Variants in IL1RAPL1 observed in about 807,000 individuals in gnomAD.
IL1RAPL1 encodes the protein interleukin 1 receptor accessory protein like 1.
IL1RAPL1 carries 3 observed loss-of-function variants against 48.4 expected under a neutral mutation model. The ratio of observed to expected loss-of-function variants is 0.06; its 90% CI spans 0.03 to 0.16. The LOEUF is 0.16. Among genes scored for constraint, IL1RAPL1 ranks in the 10% least tolerant of loss-of-function variants. The pLI is 1.00. For synonymous variants in IL1RAPL1, 185 were observed against 187.7 expected (o/e 0.99, Z 0.12); for missense variants, 349 against 530.6 (o/e 0.66, Z 3.36).
chrX:29,106,122 A>G (rs1928441348), intron 2 of IL1RAPL1, among the ~76,000 whole-genome samples: 1 of 111,962 alleles, frequency 8.9e-6, no homozygotes, highest in African/African-American at 3.2e-5. Context: ...TCATCTGGCA[A>G]ATACTTTTTG....
chrX:29,947,821 T>C (rs1933243391), intron 9 of IL1RAPL1, among the ~76,000 whole-genome samples: 1 of 106,110 alleles, frequency 9.4e-6, no homozygotes, highest in Admixed American at 1.0e-4. Context: ...ACAGGAATAA[T>C]CTTTAGAAGC....
intron 2 of IL1RAPL1, among the ~76,000 whole-genome samples, chrX:28,893,838 T>C (rs1427263703): frequency 8.9e-6 from 1 of 111,738 alleles, no homozygotes; most frequent in Admixed American, 9.5e-5. Flanking sequence ...GATATTTTCC[T>C]TGGTCTAAGA....
intron 2 of IL1RAPL1, among the ~76,000 whole-genome samples, chrX:28,965,962 ACG>A: frequency 1.8e-5 from 1 of 55,204 alleles, no homozygotes; most frequent in Non-Finnish European, 3.9e-5. Flanking sequence ...AAAAATACTC[ACG>A]AAGCCCTTTT....
chrX:28,662,060 T>C (rs1934828878), intron 1 of IL1RAPL1, among the ~76,000 whole-genome samples: 1 of 111,148 alleles, frequency 9.0e-6, no homozygotes, highest in Non-Finnish European at 1.9e-5. Flanking sequence ...TCTTCTTTGC[T>C]CCTTCAGGTG....
At chrX:29,110,880 T>A (rs1356291632) in intron 2 of IL1RAPL1, among the ~76,000 whole-genome samples, 1 of 111,329 alleles carries the variant, frequency 9.0e-6, no homozygotes, top group African/African-American at 3.3e-5. Flanking sequence ...GAGAGTGGCA[T>A]TGGATTGTAT....
chrX:28,969,908 C>T lies in IL1RAPL1; in HGVS notation c.82+180483C>T, dbSNP rs780607122. On this transcript the variant is annotated intron_variant, in intron 2 of 10. Coordinates refer to ENST00000378993, the MANE Select transcript of IL1RAPL1 (RefSeq NM_014271.4). ...ACACATATATATGTTTCTAAACACA[C>T]ATATATATGTTTCTAAACACATATA... 8.7e-3 allele frequency among the ~76,000 whole-genome samples: 927 copies of T among 106,607 alleles called. 5 individuals carry two copies. The highest frequency in any genetic ancestry group is 0.014 in the Non-Finnish European group (724 of 51,143). 92.6% of individuals were successfully genotyped at this position (106,607 alleles called of 115,157 possible). A position where few individuals can be genotyped will look rare whatever the true frequency, so the allele number is the denominator to read the frequency against.
chrX:29,215,324 C>T (rs1020210420), intron 2 of IL1RAPL1, among the ~76,000 whole-genome samples: 3 of 99,785 alleles, frequency 3.0e-5, no homozygotes, highest in African/African-American at 1.2e-4. Flanking sequence ...GCCTGGGCCA[C>T]AGAGCAAGAC....
At chrX:29,260,068 G>A (rs994409790) in intron 2 of IL1RAPL1, among the ~76,000 whole-genome samples, 13 of 112,134 alleles carry the variant, frequency 1.2e-4, no homozygotes, top group African/African-American at 4.2e-4. Flanking sequence ...GATCCTATTA[G>A]TTTGGTAAAC....
At chrX:28,950,858 A>T (rs1924440485) in intron 2 of IL1RAPL1, among the ~76,000 whole-genome samples, 2 of 109,417 alleles carry the variant, frequency 1.8e-5, no homozygotes, top group South Asian at 4.0e-4. Context: ...AATAGCAAAG[A>T]CTTGGAACCA....
At chrX:28,849,185 ACT>A (rs1921591949) in intron 2 of IL1RAPL1, among the ~76,000 whole-genome samples, 2 of 110,320 alleles carry the variant, frequency 1.8e-5, no homozygotes, top group Non-Finnish European at 1.9e-5. Flanking sequence ...TTTCAAAAAG[ACT>A]CTACTTCTGA....
At position 28,678,807 on chromosome X, in the gene IL1RAPL1, T is replaced by C. The variant is rs192015756; in HGVS notation, c.-25+90760T>C. Among the ~76,000 whole-genome samples the C allele has an allele frequency of 3.6e-5, 4 of 112,208 alleles. No homozygotes were observed. The East Asian group carries it at 1.1e-3, about 31-fold the overall frequency. On this transcript the variant is annotated intron_variant, in intron 1 of 10. Coordinates refer to ENST00000378993, the MANE Select transcript of IL1RAPL1 (RefSeq NM_014271.4). ...CATTGTTTTAAAATTTAAGTGAAAT[T>C]CATATAACATACAATTGACCATTTA...
chrX:29,445,265 C>T (rs780218171), intron 5 of IL1RAPL1, among the ~76,000 whole-genome samples: 5 of 111,912 alleles, frequency 4.5e-5, no homozygotes, highest in African/African-American at 1.3e-4. Flanking sequence ...CAGCAGGATG[C>T]CATACTTCTT....
At chrX:28,723,494 G>A (rs1366779609) in intron 1 of IL1RAPL1, among the ~76,000 whole-genome samples, 8 of 110,426 alleles carry the variant, frequency 7.2e-5, no homozygotes, top group Non-Finnish European at 1.3e-4. Context: ...TTTCTTCTTT[G>A]TTAGTCTTGC....
chrX:28,769,723 G>T (rs991731805), intron 1 of IL1RAPL1, among the ~76,000 whole-genome samples: 2 of 111,453 alleles, frequency 1.8e-5, no homozygotes, highest in African/African-American at 6.5e-5. Flanking sequence ...ACGCTTCCCA[G>T]TTTGGAGGTT....
intron 2 of IL1RAPL1, among the ~76,000 whole-genome samples, chrX:29,113,633 G>T (rs1312612539): frequency 9.0e-6 from 1 of 111,352 alleles, no homozygotes; most frequent in East Asian, 2.8e-4. Context: ...TAGAGATTCT[G>T]CTTTTTTGCT....
At chrX:28,785,405 C>T (rs1383307746) in intron 1 of IL1RAPL1, among the ~76,000 whole-genome samples, 3 of 112,284 alleles carry the variant, frequency 2.7e-5, no homozygotes, top group Non-Finnish European at 5.6e-5. Flanking sequence ...GGATTACAGG[C>T]GTGAGCCACC....
chrX:28,816,648 G>T (rs1411927984), intron 2 of IL1RAPL1, among the ~76,000 whole-genome samples: 2 of 110,949 alleles, frequency 1.8e-5, no homozygotes, highest in African/African-American at 6.5e-5. Context: ...ACCATTGATG[G>T]GCACCTAGGT....
At chrX:29,942,992 G>C (rs190276416) in intron 9 of IL1RAPL1, among the ~76,000 whole-genome samples, 6 of 109,728 alleles carry the variant, frequency 5.5e-5, no homozygotes, top group Admixed American at 3.9e-4. Flanking sequence ...AGGAAAATGA[G>C]GCAATTGCCT....
At chrX:29,002,788 A>G (rs2036354) in intron 2 of IL1RAPL1, among the ~76,000 whole-genome samples, 14,017 of 111,248 alleles carry the variant, frequency 0.13, 853 homozygotes, top group East Asian at 0.34. Flanking sequence ...TATCATAGTG[A>G]TAACACTTTT....
Sources: gnomAD v4.1 joint callset for allele counts (sites outside exome capture counted in the v4.1 genomes callset) on GRCh38, gnomAD v4.1.1 for gene constraint, MANE v1.5 for transcripts, NCBI Gene and HGNC (gene_info 2026-07-23, HGNC 2026-07-21) for gene names.